ADAMTS17: variants seen among roughly 807,000 people sequenced by gnomAD.
The protein encoded by ADAMTS17 is ADAM metallopeptidase with thrombospondin type 1 motif 17, also known as A disintegrin and metalloproteinase with thrombospondin motifs 17.
In ADAMTS17, 113 loss-of-function variants were observed where a neutral mutation model predicts 141.5. The ratio of observed to expected loss-of-function variants is 0.80; its 90% CI spans 0.69 to 0.93. The LOEUF (loss-of-function observed/expected upper bound fraction) is 0.93, where lower values mean the gene tolerates loss of function less well. Ranked by LOEUF, ADAMTS17 falls within the 40% of genes least tolerant of loss-of-function variation. The probability of loss-of-function intolerance (pLI) is 0.00; values close to 1 mark genes in which losing one functional copy is unlikely to be tolerated. For missense variants in ADAMTS17, 1,659 were observed against 1,517.9 expected (o/e 1.09, Z -1.54); for synonymous variants, 768 against 630.6 (o/e 1.22, Z -3.27).
At chr15:100,318,920 A>G (rs967416093) in intron 3 of ADAMTS17, among the ~76,000 whole-genome samples, 3 of 152,234 alleles carry the variant, frequency 2.0e-5, no homozygotes, top group Non-Finnish European at 4.4e-5. Context: ...GTCTGCATTC[A>G]GAGTTCAGGA....
At chr15:100,209,131 A>AAAAAAAAAAAGG (rs1555483240) in intron 7 of ADAMTS17, among the ~76,000 whole-genome samples, 3 of 133,102 alleles carry the variant, frequency 2.3e-5, no homozygotes, top group African/African-American at 9.0e-5. Flanking sequence ...AAAAAAAAAA[A>AAAAAAAAAAAGG]AAGGAAGAAA....
chr15:100,099,471 TTA>T lies in ADAMTS17; in HGVS notation c.2017-2997_2017-2996del, dbSNP rs543454100. ...ATTAGGGGAGCTTTGATGATTGTAT[TTA>T]TGAGGCTTGGTGTTCCAAGAGAACA... On this transcript the variant is annotated intron_variant, in intron 14 of 21. Transcript: ENST00000268070. 1.4e-3 allele frequency among the ~76,000 whole-genome samples: 220 copies of T among 152,294 alleles called. 1 individual carries two copies. Among genetic ancestry groups the T allele is most frequent in the African/African-American group, 5.2e-3 (217 of 41,552 alleles).
rs1182797565 is a variant in ADAMTS17, at chr15:99,972,678, C to A, written c.*1724G>T. On this transcript the variant is annotated 3_prime_UTR_variant, in exon 22 of 22. Transcript: ENST00000268070. ...CCGCTCCATCCTGACACCCTCGGTT[C>A]TTTCCACAGAGCACCCACGGAAGTT... is the stretch of plus-strand genomic sequence containing the variant. 6.6e-6 allele frequency: 1 copy of A among 152,218 alleles called. No homozygotes were observed. The highest frequency in any genetic ancestry group is 1.5e-5 in the Non-Finnish European group (1 of 68,050). The allele number at this position is 152,218 out of a possible 1,614,324, so 9.4% of individuals were successfully genotyped here. A position where few individuals can be genotyped will look rare whatever the true frequency, so the allele number is the denominator to read the frequency against.
intron 8 of ADAMTS17, among the ~76,000 whole-genome samples, chr15:100,188,566 A>G (rs973387813): frequency 1.3e-5 from 2 of 152,238 alleles, no homozygotes; most frequent in African/African-American, 4.8e-5. Flanking sequence ...GCATGTTTCC[A>G]TACAAGTTTG....
intron 4 of ADAMTS17, among the ~76,000 whole-genome samples, chr15:100,268,651 T>C (rs1194773985): frequency 6.6e-6 from 1 of 152,246 alleles, no homozygotes; most frequent in Non-Finnish European, 1.5e-5. Flanking sequence ...GCTTTTGCAC[T>C]GTTTAAATTC....
intron 3 of ADAMTS17, among the ~76,000 whole-genome samples, chr15:100,307,435 A>G (rs2045262836): frequency 6.6e-6 from 1 of 152,204 alleles, no homozygotes. Context: ...AAAGAAAGAG[A>G]TGGCAAGAGC....
intron 7 of ADAMTS17, among the ~76,000 whole-genome samples, chr15:100,245,179 C>G (rs938491941): frequency 6.6e-6 from 1 of 152,188 alleles, no homozygotes; most frequent in African/African-American, 2.4e-5. Flanking sequence ...TTTGGACTGA[C>G]ACCAGTGTCA....
At chr15:100,184,193 G>GTC (rs1220249236) in intron 8 of ADAMTS17, among the ~76,000 whole-genome samples, 3 of 152,134 alleles carry the variant, frequency 2.0e-5, no homozygotes, top group African/African-American at 7.2e-5. Context: ...TCCCCATGTG[G>GTC]TCTCTGTTGG....
At chr15:100,237,971 G>A (rs1277194057) in intron 7 of ADAMTS17, among the ~76,000 whole-genome samples, 1 of 152,196 alleles carries the variant, frequency 6.6e-6, no homozygotes, top group Admixed American at 6.5e-5. Context: ...GGAAATGGCA[G>A]AAGAAAGACT....
chr15:100,243,726 G>A (rs868563476), intron 7 of ADAMTS17, among the ~76,000 whole-genome samples: 1 of 150,732 alleles, frequency 6.6e-6, no homozygotes, highest in Non-Finnish European at 1.5e-5. Flanking sequence ...GGAGGCAGAG[G>A]TTGTAGTGAG....
chr15:100,200,668 G>A (rs2041294717), intron 7 of ADAMTS17, among the ~76,000 whole-genome samples: 1 of 152,212 alleles, frequency 6.6e-6, no homozygotes, highest in Non-Finnish European at 1.5e-5. Context: ...CACATTGGGG[G>A]TTGGTGGGCA....
intron 10 of ADAMTS17, among the ~76,000 whole-genome samples, chr15:100,138,530 C>T (rs999951246): frequency 3.9e-5 from 6 of 152,004 alleles, no homozygotes; most frequent in African/African-American, 1.2e-4. Flanking sequence ...TTGACAGCCC[C>T]GAATGAGAGA....
chr15:100,241,497 T>C (rs546756651), intron 7 of ADAMTS17, among the ~76,000 whole-genome samples: 16 of 152,354 alleles, frequency 1.1e-4, no homozygotes, highest in African/African-American at 3.8e-4. Context: ...CAAATCTCAG[T>C]GTCTCAACAC....
intron 18 of ADAMTS17, among the ~76,000 whole-genome samples, chr15:100,031,643 T>G (rs2030177295): frequency 6.6e-6 from 1 of 152,246 alleles, no homozygotes; most frequent in African/African-American, 2.4e-5. Context: ...GCCACCGGAA[T>G]GAAATCTCAT....
At chr15:100,138,200 G>A (rs191467481) in intron 10 of ADAMTS17, among the ~76,000 whole-genome samples, 62 of 152,264 alleles carry the variant, frequency 4.1e-4, no homozygotes, top group African/African-American at 1.5e-3. Context: ...GGTTCTGGTT[G>A]AAACAAATTT....
intron 10 of ADAMTS17, among the ~76,000 whole-genome samples, chr15:100,138,172 C>T (rs1261762132): frequency 6.6e-6 from 1 of 152,066 alleles, no homozygotes; most frequent in Admixed American, 6.5e-5. Flanking sequence ...CTAGAAGCAG[C>T]CCCTTTTCAG....
chr15:100,014,382 T>C (rs1018024608), intron 18 of ADAMTS17, among the ~76,000 whole-genome samples: 3 of 152,184 alleles, frequency 2.0e-5, no homozygotes, highest in African/African-American at 7.2e-5. Context: ...AGTTCTGCTC[T>C]GATCTTGGTT....
intron 15 of ADAMTS17, among the ~76,000 whole-genome samples, chr15:100,087,799 T>C (rs1298139076): frequency 6.6e-6 from 1 of 152,196 alleles, no homozygotes; most frequent in African/African-American, 2.4e-5. Flanking sequence ...TGCTTCTTGC[T>C]AAAAACTCTC....
rs1175643572 is a variant in ADAMTS17, at chr15:99,993,313, A to G, written c.2797-113T>C. On this transcript the variant is annotated intron_variant, in intron 19 of 21. Coordinates refer to ENST00000268070, the MANE Select transcript of ADAMTS17 (RefSeq NM_139057.4). This position sits in a 1 kb window ranked among gnomAD's most constrained non-coding sequence, Gnocchi z 4.3. ...CGGTGTGGGGATGATACAAAGATGAAAACCCACACTTCTGTCCTCAAAAAG... is the reference window on the plus strand; with the variant it reads ...CGGTGTGGGGATGATACAAAGATGAGAACCCACACTTCTGTCCTCAAAAAG... The G allele has an allele frequency of 3.4e-6, 5 of 1,455,208 alleles. No homozygotes were observed. The Admixed American group carries it at 6.8e-5, about 20-fold the overall frequency. The allele number at this position is 1,455,208 out of a possible 1,614,324, so 90.1% of individuals were successfully genotyped here. A position where few individuals can be genotyped will look rare whatever the true frequency, so the allele number is the denominator to read the frequency against.
Sources: gnomAD v4.1 joint callset for allele counts (sites outside exome capture counted in the v4.1 genomes callset) on GRCh38, gnomAD v4.1.1 for gene constraint, Gnocchi (gnomAD v3.1) non-coding constraint, MANE v1.5 for transcripts, NCBI Gene and HGNC (gene_info 2026-07-23, HGNC 2026-07-21) for gene names.